MEGF9: variants seen among roughly 807,000 people sequenced by gnomAD.
The protein encoded by MEGF9 is multiple EGF like domains 9, also known as multiple epidermal growth factor-like domains protein 9.
MEGF9 carries 6 observed loss-of-function variants against 46.8 expected under a neutral mutation model. The ratio of observed to expected loss-of-function variants is 0.13; its 90% CI spans 0.07 to 0.25. The LOEUF is 0.25. MEGF9 is among the 10% of genes least tolerant of loss of function. MEGF9 has a pLI of 1.00. For synonymous variants in MEGF9, 302 were observed against 330.7 expected, an observed-to-expected ratio of 0.91 and a Z score of 0.94; for missense variants, 683 against 792.4, an observed-to-expected ratio of 0.86 and a Z score of 1.66.
chr9:120,613,995 A>T (rs1317420242), intron 3 of MEGF9, among the ~76,000 whole-genome samples: 4 of 150,568 alleles, frequency 2.7e-5, no homozygotes, highest in African/African-American at 9.7e-5. Context: ...AAATGTCATC[A>T]ACCTACATGT....
At chr9:120,670,328 C>T (rs1311933957) in intron 1 of MEGF9, among the ~76,000 whole-genome samples, 1 of 152,152 alleles carries the variant, frequency 6.6e-6, no homozygotes, top group Non-Finnish European at 1.5e-5. Flanking sequence ...AACTCCTGAC[C>T]TCAAATGATC....
chr9:120,695,923 C>G (rs1051008277), intron 1 of MEGF9, among the ~76,000 whole-genome samples: 2 of 152,166 alleles, frequency 1.3e-5, no homozygotes, highest in Non-Finnish European at 2.9e-5. Flanking sequence ...CATTGAGGTT[C>G]CAACAATCAG....
chr9:120,709,340 G>A (rs182981442), intron 1 of MEGF9, among the ~76,000 whole-genome samples: 16 of 152,080 alleles, frequency 1.1e-4, no homozygotes, highest in Admixed American at 2.0e-4. Context: ...CTGAAACCAC[G>A]AGGCGGAGGT....
chr9:120,619,120 C>A (rs200484652), intron 3 of MEGF9, among the ~76,000 whole-genome samples: 1 of 151,862 alleles, frequency 6.6e-6, no homozygotes, highest in Admixed American at 6.6e-5. Context: ...CCGAGGCAGG[C>A]GGATCACCTG....
At chr9:120,647,834 TTATC>T (rs1287273261) in intron 2 of MEGF9, among the ~76,000 whole-genome samples, 1 of 152,172 alleles carries the variant, frequency 6.6e-6, no homozygotes, top group Non-Finnish European at 1.5e-5. Flanking sequence ...TCCAACTTGC[TTATC>T]TATCTGTACT....
chr9:120,670,393 G>A (rs1214017396), intron 1 of MEGF9, among the ~76,000 whole-genome samples: 4 of 152,006 alleles, frequency 2.6e-5, no homozygotes, highest in Non-Finnish European at 5.9e-5. Flanking sequence ...CACCGTGCCC[G>A]GCCTCTAAAA....
chr9:120,663,172 A>G (rs1279855063), intron 1 of MEGF9, among the ~76,000 whole-genome samples: 1 of 152,154 alleles, frequency 6.6e-6, no homozygotes, highest in African/African-American at 2.4e-5. Context: ...GCCCCAAAAA[A>G]CCAAAGGAAA....
At chr9:120,699,900 A>T (rs1036630001) in intron 1 of MEGF9, among the ~76,000 whole-genome samples, 4 of 152,204 alleles carry the variant, frequency 2.6e-5, no homozygotes, top group African/African-American at 4.8e-5. Flanking sequence ...ACCTTTGGAA[A>T]ACACCATAAT....
chr9:120,649,487 G>A (rs892096419), intron 2 of MEGF9, among the ~76,000 whole-genome samples: 4 of 152,156 alleles, frequency 2.6e-5, no homozygotes, highest in Non-Finnish European at 5.9e-5. Context: ...GAGTGTGGCG[G>A]GGTGTGTGAA....
intron 1 of MEGF9, among the ~76,000 whole-genome samples, chr9:120,703,599 A>C (rs1164189498): frequency 2.0e-5 from 3 of 152,232 alleles, no homozygotes; most frequent in African/African-American, 7.2e-5. Context: ...TTAAAAATGA[A>C]AGGTAACAGT....
At chr9:120,663,453 A>C (rs1232627067) in intron 1 of MEGF9, among the ~76,000 whole-genome samples, 1 of 152,242 alleles carries the variant, frequency 6.6e-6, no homozygotes, top group African/African-American at 2.4e-5. Context: ...ATGCAGAAAT[A>C]ATGCAATCCC....
intron 2 of MEGF9, among the ~76,000 whole-genome samples, chr9:120,642,231 A>T (rs1349009366): frequency 1.3e-5 from 2 of 151,896 alleles, no homozygotes; most frequent in African/African-American, 2.4e-5. Context: ...ATTTATTTTC[A>T]TTGTAGCCCA....
intron 2 of MEGF9, among the ~76,000 whole-genome samples, chr9:120,626,661 T>C (rs1252627752): frequency 1.3e-5 from 2 of 152,164 alleles, no homozygotes; most frequent in East Asian, 1.9e-4. Context: ...ACAGTCACAT[T>C]GATTAGGTGG....
Position 120,661,713 on chromosome 9 carries a change from C to G in MEGF9, c.602-2138G>C, listed in dbSNP as rs1446170414. ...ACTAGGCTACATAAACATGACATTT[C>G]TTTGACAGAGTTACATGTTTTCACA... On this transcript the variant is annotated intron_variant, in intron 1 of 5. Coordinates refer to ENST00000373930, the MANE Select transcript of MEGF9 (RefSeq NM_001080497.3). Among the ~76,000 whole-genome samples, 4 of 152,178 alleles carry G rather than the reference C, an allele frequency of 2.6e-5. No individual in the cohort carries two copies. In the East Asian group the frequency reaches 7.7e-4, roughly 29 times the overall value.
intron 3 of MEGF9, 84 bp from the exon 4 acceptor site, chr9:120,612,623 GATC>G: frequency 7.8e-7 from 1 of 1,276,322 alleles, no homozygotes; most frequent in Non-Finnish European, 1.1e-6. Flanking sequence ...GCAACAAAAA[GATC>G]ATAAGAAAAA....
At position 120,684,530 on chromosome 9, in the gene MEGF9, C is replaced by T. The variant is rs75495911; in HGVS notation, c.602-24955G>A. Reference sequence around the variant, plus strand: ...TTGACAAATTCTTCCCACTCTCCTGCCACACTTCACTATTATCAAACACTT... The same window carrying T: ...TTGACAAATTCTTCCCACTCTCCTGTCACACTTCACTATTATCAAACACTT... On this transcript the variant is annotated intron_variant, in intron 1 of 5. Transcript: ENST00000373930. Among the ~76,000 whole-genome samples the T allele has an allele frequency of 5.4e-3, 820 of 152,350 alleles. 9 individuals are homozygous for T. In the East Asian group the frequency reaches 0.055, roughly 10 times the overall value.
At chr9:120,707,069 G>C (rs956609876) in intron 1 of MEGF9, among the ~76,000 whole-genome samples, 2 of 152,192 alleles carry the variant, frequency 1.3e-5, no homozygotes, top group African/African-American at 4.8e-5. Flanking sequence ...GGTTCTGCCA[G>C]AGCTGGGCTT....
intron 2 of MEGF9, among the ~76,000 whole-genome samples, chr9:120,650,931 A>G (rs2043646863): frequency 6.6e-6 from 1 of 151,684 alleles, no homozygotes. Flanking sequence ...TAATTTACTT[A>G]CTCCTGTTCT....
intron 1 of MEGF9, among the ~76,000 whole-genome samples, chr9:120,702,367 A>C (rs1311424840): frequency 1.3e-5 from 2 of 152,238 alleles, no homozygotes; most frequent in African/African-American, 4.8e-5. Flanking sequence ...GTAAAGACTT[A>C]CCAAGCTTAT....
Sources: allele counts gnomAD v4.1 joint callset (sites outside exome capture counted in the v4.1 genomes callset), GRCh38; gene constraint gnomAD v4.1.1; transcripts MANE v1.5; gene names NCBI Gene and HGNC (gene_info 2026-07-23, HGNC 2026-07-21).